Variants in TNRC6B observed in about 807,000 individuals in gnomAD.
TNRC6B encodes the protein trinucleotide repeat-containing gene 6B protein.
Under a neutral mutation model 203.6 loss-of-function variants are expected in TNRC6B, and 52 were observed. The observed-to-expected ratio is 0.26, with a 90% confidence interval of 0.20 to 0.32. The LOEUF is 0.32. Ranked by LOEUF, TNRC6B falls within the 10% of genes least tolerant of loss-of-function variation. The pLI, the probability that TNRC6B is intolerant of heterozygous loss-of-function variation, is 1.00. For synonymous variants in TNRC6B, 838 were observed against 845.7 expected (o/e 0.99, Z 0.16); for missense variants, 1,923 against 2,286.2 (o/e 0.84, Z 3.24).
chr22:40,138,371 T>G (rs1045069041), intron 3 of TNRC6B, among the ~76,000 whole-genome samples: 3 of 152,182 alleles, frequency 2.0e-5, no homozygotes, highest in African/African-American at 7.2e-5. Context: ...GCTCAGGAGA[T>G]TCTCCTGCCT....
rs947680375 is a variant in TNRC6B at position 40,254,194 on chromosome 22, T to A, written c.115+2994T>A. On this transcript the variant is annotated intron_variant, in intron 3 of 22. Transcript: ENST00000454349. ...AGAAAGCACTTAAGGTAGAAGCTAA[T>A]ATCCTCCTTCGTTGGATTTTAGAGT... Among the ~76,000 whole-genome samples the A allele has an allele frequency of 2.0e-5, 3 of 152,332 alleles. No homozygotes were observed. The East Asian group carries it at 5.8e-4, about 29-fold the overall frequency.
intron 12 of TNRC6B, among the ~76,000 whole-genome samples, chr22:40,294,388 C>T (rs1810164397): frequency 6.6e-6 from 1 of 152,226 alleles, no homozygotes; most frequent in African/African-American, 2.4e-5. Flanking sequence ...TCTATCTTCA[C>T]ATGGCTTTTT....
chr22:40,321,967 A>T (rs758052937), intron 22 of TNRC6B, among the ~76,000 whole-genome samples: 6 of 152,068 alleles, frequency 3.9e-5, no homozygotes, highest in Admixed American at 6.5e-5. Context: ...CCACTGTCAA[A>T]CTGGTGGACG....
intron 1 of TNRC6B, among the ~76,000 whole-genome samples, chr22:40,198,186 G>A (rs1490238984): frequency 6.6e-6 from 1 of 152,022 alleles, no homozygotes; most frequent in Non-Finnish European, 1.5e-5. Flanking sequence ...AAAACAATTA[G>A]TTTTCTTAAG....
At chr22:40,189,024 T>C (rs915814076) in intron 1 of TNRC6B, among the ~76,000 whole-genome samples, 4 of 152,156 alleles carry the variant, frequency 2.6e-5, no homozygotes, top group African/African-American at 9.7e-5. Flanking sequence ...TCCCCACTTT[T>C]GCTGGTCTAA....
exon 4 of TNRC6B, chr22:40,156,175 A>C (rs1380364899): frequency 1.3e-6 from 2 of 1,572,986 alleles, no homozygotes; most frequent in Middle Eastern, 1.7e-4. Context: ...TGGTGAAGAA[A>C]GCAAACAGTG....
chr22:40,080,094 CT>C (rs772109662), intron 1 of TNRC6B, among the ~76,000 whole-genome samples: 77 of 113,760 alleles, frequency 6.8e-4, no homozygotes, highest in East Asian at 2.4e-3. Context: ...CGTGCCTGGC[CT>C]TTTTTTTTTT....
Position 40,335,756 on chromosome 22 carries a change from G to A in TNRC6B, c.*12515G>A, listed in dbSNP as rs2044026469. 9.9e-6 allele frequency: 1 copy of A among 101,296 alleles called. No homozygotes were observed. The highest frequency in any genetic ancestry group is 4.1e-5 in the African/African-American group (1 of 24,582). The allele number at this position is 101,296 out of a possible 1,614,324, so 6.3% of individuals were successfully genotyped here. On this transcript the variant is annotated 3_prime_UTR_variant, in exon 23 of 23. Coordinates refer to ENST00000454349, the MANE Select transcript of TNRC6B (RefSeq NM_001162501.2). ...ACATTATAACTACAAAATATTTTTG[G>A]GTTCCTGGAAAAAAAAGAAAAAAGA...
Position 40,177,965 on chromosome 22 carries a change from TGA to T in TNRC6B, c.-163_-162del, listed in dbSNP as rs1005779392. ...GAGAGAGAGCAAGAGGGAGAGTGTG[TGA>T]GAGAGAGTTAGTTCAAGCCAAAATG... On this transcript the variant is annotated 5_prime_UTR_variant, in exon 1 of 23. Transcript: ENST00000454349. 6.8e-5 allele frequency: 99 copies of T among 1,452,792 alleles called. No individual in the cohort carries two copies. Among genetic ancestry groups the T allele is most frequent in the Non-Finnish European group, 8.4e-5 (93 of 1,109,596 alleles). 90.0% of individuals were successfully genotyped at this position (1,452,792 alleles called of 1,614,324 possible).
At chr22:40,164,776 AAAGTT>A (rs1286755358) in intron 4 of TNRC6B, among the ~76,000 whole-genome samples, 2 of 49,646 alleles carry the variant, frequency 4.0e-5, no homozygotes, top group Non-Finnish European at 7.0e-5. Context: ...AAAAAAAAAA[AAAGTT>A]TTTTTTTTTT....
In TNRC6B at chr22:40,221,528, C is replaced by T. The variant is rs185437547; in HGVS notation, c.6-24487C>T. ...AATCACTGCTCACTGCAGCCTCAAC[C>T]TCCCTGGCTCAAGTGGTCCTCCCAC... On this transcript the variant is annotated intron_variant, in intron 1 of 22. Coordinates refer to ENST00000454349, the MANE Select transcript of TNRC6B (RefSeq NM_001162501.2). Among the ~76,000 whole-genome samples, 439 of 152,304 alleles carry T rather than the reference C, an allele frequency of 2.9e-3. 4 individuals carry two copies. The highest frequency in any genetic ancestry group is 4.5e-3 in the Non-Finnish European group (303 of 68,026).
intron 3 of TNRC6B, among the ~76,000 whole-genome samples, chr22:40,151,537 C>CA (rs994432925): frequency 0.017 from 405 of 23,928 alleles, 6 homozygotes; most frequent in East Asian, 0.079. Flanking sequence ...GACTGCATCT[C>CA]AAAAAAAAAA....
rs987295982 is a variant in TNRC6B, at chr22:40,185,085, G to A, written c.5+6945G>A. On this transcript the variant is annotated intron_variant, in intron 1 of 22. Coordinates refer to ENST00000454349, the MANE Select transcript of TNRC6B (RefSeq NM_001162501.2). ...GGCTCACTGAAACCTCTGCCTCCCG[G>A]GTTCAAGCGATTCTCCTGTCTCAGC... 2.4e-4 allele frequency among the ~76,000 whole-genome samples: 36 copies of A among 152,158 alleles called. 1 individual carries two copies. The highest frequency in any genetic ancestry group is 1.6e-3 in the Admixed American group (25 of 15,272).
intron 1 of TNRC6B, among the ~76,000 whole-genome samples, chr22:40,180,084 T>A (rs1001407872): frequency 6.6e-5 from 10 of 152,324 alleles, no homozygotes; most frequent in South Asian, 4.1e-4. Flanking sequence ...GGAACAAAGT[T>A]GTCTCTAAAT....
rs1468215072 is a variant in TNRC6B at position 40,292,979 on chromosome 22, G to A, written c.3708+7209G>A. ...GCCTTTTTTGCACTTAACCCATATA[G>A]TATAGAGCCTCCTTCTTTTGTTGTG... On this transcript the variant is annotated intron_variant, in intron 12 of 22. Coordinates refer to ENST00000454349, the MANE Select transcript of TNRC6B (RefSeq NM_001162501.2). Among the ~76,000 whole-genome samples, 3 of 151,988 alleles carry A rather than the reference G, an allele frequency of 2.0e-5. No homozygotes were observed. The South Asian group carries it at 6.2e-4, about 32-fold the overall frequency.
At chr22:40,312,056 G>A (rs371904130) in intron 17 of TNRC6B, among the ~76,000 whole-genome samples, 29 of 152,222 alleles carry the variant, frequency 1.9e-4, no homozygotes, top group African/African-American at 6.8e-4. Flanking sequence ...GACATTCTGT[G>A]TAGCAGTATC....
At chr22:40,228,815 C>T (rs935767195) in intron 1 of TNRC6B, among the ~76,000 whole-genome samples, 4 of 152,076 alleles carry the variant, frequency 2.6e-5, no homozygotes, top group Admixed American at 6.5e-5. Context: ...TGAGCCACCG[C>T]GCCCAGCCCC....
rs1463626957 is a variant in TNRC6B at position 40,170,330 on chromosome 22, A to AGT, written c.113+14148_113+14149insGT. 3.2e-4 allele frequency among the ~76,000 whole-genome samples: 36 copies of AGT among 112,192 alleles called. 1 individual carries two copies. Among genetic ancestry groups the AGT allele is most frequent in the South Asian group, 4.7e-4 (2 of 4,256 alleles). The allele number at this position is 112,192 out of a possible 152,430, so 73.6% of individuals were successfully genotyped here. The stretch of plus-strand genomic sequence containing the variant: ...TATATATTTTATATATATTATATAT[A>AGT]TTATATATAGTTTATATATATATTA... On this transcript the variant is annotated intron_variant, in intron 4 of 23. Coordinates refer to the TNRC6B transcript ENST00000301923.
chr22:40,130,669 C>A (rs1168878887), intron 3 of TNRC6B, among the ~76,000 whole-genome samples: 2 of 147,074 alleles, frequency 1.4e-5, no homozygotes, highest in Non-Finnish European at 3.0e-5. Flanking sequence ...TGCCTGTAGT[C>A]CCCCGCGGGA....
Sources: gnomAD v4.1 joint callset for allele counts (sites outside exome capture counted in the v4.1 genomes callset) on GRCh38, gnomAD v4.1.1 for gene constraint, MANE v1.5 for transcripts, NCBI Gene and HGNC (gene_info 2026-07-23, HGNC 2026-07-21) for gene names.